Variants in TAOK1 observed in about 807,000 individuals in gnomAD.
TAOK1 encodes TAO kinase 1.
Under a neutral mutation model 138.3 loss-of-function variants are expected in TAOK1, and 21 were observed. The ratio of observed to expected loss-of-function variants is 0.15; its 90% CI spans 0.11 to 0.22. The LOEUF (loss-of-function observed/expected upper bound fraction) is 0.22, where lower values mean the gene tolerates loss of function less well. Ranked by LOEUF, TAOK1 falls within the 10% of genes least tolerant of loss-of-function variation. TAOK1 has a pLI of 1.00. For missense variants in TAOK1, 651 were observed against 1,227.7 expected (o/e 0.53, Z 7.02); for synonymous variants, 361 against 398.4 (o/e 0.91, Z 1.12).
intron 3 of TAOK1, 117 bp from the exon 4 acceptor site, chr17:29,475,553 C>A: frequency 1.4e-6 from 1 of 700,680 alleles, no homozygotes; most frequent in South Asian, 2.0e-5. Flanking sequence ...ATAAGTAAAA[C>A]CAAGCAAAGT....
At chr17:29,412,151 T>C (rs1905161535) in intron 1 of TAOK1, among the ~76,000 whole-genome samples, 1 of 152,092 alleles carries the variant, frequency 6.6e-6, no homozygotes, top group African/African-American at 2.4e-5. Flanking sequence ...CAAGCGATTC[T>C]CCTGCCTCGG....
intron 2 of TAOK1, among the ~76,000 whole-genome samples, chr17:29,453,252 C>T (rs7225066): frequency 7.7e-4 from 116 of 151,508 alleles, no homozygotes; most frequent in African/African-American, 2.6e-3. Context: ...CTCCGCCTCC[C>T]GGGTTCATGC....
At chr17:29,532,967 G>A (rs1345980764) in intron 18 of TAOK1, among the ~76,000 whole-genome samples, 2 of 134,070 alleles carry the variant, frequency 1.5e-5, no homozygotes, top group African/African-American at 2.8e-5. Flanking sequence ...CCCGGACGGG[G>A]CGGGTGGCCG....
At chr17:29,505,626 T>G (rs182742074) in intron 13 of TAOK1, among the ~76,000 whole-genome samples, 1 of 151,808 alleles carries the variant, frequency 6.6e-6, no homozygotes, top group East Asian at 1.9e-4. Context: ...TGCTTGAACC[T>G]GAGAGGCGGA....
At chr17:29,401,601 A>C (rs974955089) in intron 1 of TAOK1, among the ~76,000 whole-genome samples, 1 of 152,096 alleles carries the variant, frequency 6.6e-6, no homozygotes, top group Non-Finnish European at 1.5e-5. Flanking sequence ...TGGAGATTAC[A>C]ATTTAACATG....
At chr17:29,533,682 A>T (rs1462780458) in intron 18 of TAOK1, among the ~76,000 whole-genome samples, 1 of 151,908 alleles carries the variant, frequency 6.6e-6, no homozygotes, top group Non-Finnish European at 1.5e-5. Flanking sequence ...CCACCAAAAA[A>T]ATACGAAAAC....
chr17:29,435,373 G>T (rs2067296840), intron 1 of TAOK1, among the ~76,000 whole-genome samples: 1 of 152,328 alleles, frequency 6.6e-6, no homozygotes, highest in Non-Finnish European at 1.5e-5. Flanking sequence ...ATAGGACTGA[G>T]TGGTTTGCAA....
Position 29,517,475 on chromosome 17 carries a change from C to T in TAOK1, c.1727C>T (p.Thr576Ile). 6.2e-7 allele frequency: 1 copy of T among 1,613,528 alleles called. No individual in the cohort carries two copies. Among genetic ancestry groups the T allele is most frequent in the Admixed American group, 1.7e-5 (1 of 59,914 alleles). The change falls in exon 16 of 20, where the codon ACC (threonine) becomes ATC (isoleucine). Residue 576 changes from threonine (T) to isoleucine (I), a missense_variant. Around this residue, in one of 8 missense-constraint regions of TAOK1, gnomAD observed 258 missense variants for 548.9 expected, o/e 0.47. Coordinates refer to ENST00000261716, the MANE Select transcript of TAOK1 (RefSeq NM_020791.4). ...CAGGAGCTAAATGAAAACCAGAGTA[C>T]CCCCAAAAAAGAAAAACAGGAGTGG... is the stretch of plus-strand genomic sequence containing the variant. ...LKEELNENQS[T>I]PKKEKQEWLS...
intron 1 of TAOK1, among the ~76,000 whole-genome samples, chr17:29,416,598 G>A (rs1452748707): frequency 6.6e-6 from 1 of 152,074 alleles, no homozygotes; most frequent in East Asian, 1.9e-4. Context: ...AGAACACATT[G>A]AGTGGCTTCT....
chr17:29,414,965 T>C (rs1195975893), intron 1 of TAOK1, among the ~76,000 whole-genome samples: 1 of 152,096 alleles, frequency 6.6e-6, no homozygotes, highest in Non-Finnish European at 1.5e-5. Flanking sequence ...TATACCTTTT[T>C]TTTGCTCGGG....
chr17:29,532,078 T>C (rs966351760), intron 18 of TAOK1, among the ~76,000 whole-genome samples: 1 of 152,058 alleles, frequency 6.6e-6, no homozygotes, highest in African/African-American at 2.4e-5. Context: ...GCCAGGATGG[T>C]CTCAACCTTG....
At chr17:29,489,147 ATATT>A (rs1381620018) in intron 8 of TAOK1, among the ~76,000 whole-genome samples, 1 of 152,196 alleles carries the variant, frequency 6.6e-6, no homozygotes, top group East Asian at 1.9e-4. Flanking sequence ...ACTCAAGTAT[ATATT>A]AAGTATGGTG....
At chr17:29,423,868 C>T (rs190408744) in intron 1 of TAOK1, among the ~76,000 whole-genome samples, 65 of 151,736 alleles carry the variant, frequency 4.3e-4, no homozygotes, top group African/African-American at 1.3e-3. Context: ...CCCAACATGG[C>T]GAAACCCCGT....
chr17:29,513,051 T>C (rs2031750952), intron 15 of TAOK1: 1 of 86,692 alleles, frequency 1.2e-5, no homozygotes, highest in Non-Finnish European at 2.3e-5. Context: ...GTCTTTTAAT[T>C]TACCCACCCC....
chr17:29,466,962 C>G (rs984383654), intron 2 of TAOK1, among the ~76,000 whole-genome samples, 183 bp from the exon 3 acceptor site: 52 of 152,192 alleles, frequency 3.4e-4, no homozygotes, highest in African/African-American at 1.3e-3. Context: ...TTTTAAAGCA[C>G]TAGCTCCAGG....
chr17:29,498,466 T>A lies in TAOK1; in HGVS notation c.1148T>A (p.Met383Lys). 6.2e-7 allele frequency: 1 copy of A among 1,614,198 alleles called. No individual in the cohort carries two copies. The highest frequency in any genetic ancestry group is 8.5e-7 in the Non-Finnish European group (1 of 1,180,026). Residue 383 changes from methionine to lysine, a missense_variant, in exon 12 of 20, where the codon ATG becomes AAG. Met to Lys is a moderately conservative substitution (Grantham distance 95, BLOSUM62 -1). This residue lies in a region of TAOK1 where 104 missense variants were observed against 151.7 expected (regional missense o/e 0.69). Transcript: ENST00000261716. ...DVSDDKSELDMMEGDHTVMSN... is the reference protein window; with the variant it reads ...DVSDDKSELDKMEGDHTVMSN... ...TCAGATGACAAGAGTGAGCTAGACA[T>A]GATGGAGGGAGACCACACAGTGATG...
intron 1 of TAOK1, chr17:29,445,478 T>C (rs1013000532): frequency 3.3e-5 from 5 of 152,258 alleles, no homozygotes; most frequent in African/African-American, 1.2e-4. Flanking sequence ...GCAGGTTTTT[T>C]GTAGATACCT....
chr17:29,525,709 AAAAAT>A (rs1229561783), intron 17 of TAOK1, among the ~76,000 whole-genome samples: 1 of 152,216 alleles, frequency 6.6e-6, no homozygotes, highest in Non-Finnish European at 1.5e-5. Flanking sequence ...ACAATGCTTT[AAAAAT>A]AAAAACTTTT....
chr17:29,448,959 C>G (rs546692679), intron 1 of TAOK1, among the ~76,000 whole-genome samples: 1 of 152,132 alleles, frequency 6.6e-6, no homozygotes, highest in South Asian at 2.1e-4. Context: ...GAGTAACTGA[C>G]TTTTCTAATA....
Sources: allele counts gnomAD v4.1 joint callset (sites outside exome capture counted in the v4.1 genomes callset), GRCh38; gene constraint gnomAD v4.1.1; regional missense constraint gnomAD v4.1.1; transcripts MANE v1.5; gene names NCBI Gene and HGNC (gene_info 2026-07-23, HGNC 2026-07-21).